Variants in TAS2R1 observed in about 807,000 individuals in gnomAD.
TAS2R1 encodes the protein taste receptor type 2 member 1.
For synonymous variants in TAS2R1, 141 were observed against 134.2 expected (o/e 1.05, Z -0.35); for missense variants, 370 against 353.4 (o/e 1.05, Z -0.38).
chr5:9,789,287 A>G, the TAS2R1 span, among the ~76,000 whole-genome samples: 2 of 152,206 alleles, frequency 1.3e-5, no homozygotes, highest in African/African-American at 4.8e-5. Context: ...CTGCAGGAAC[A>G]GTTTGACTTT....
At chr5:9,870,402 C>A in the TAS2R1 span, among the ~76,000 whole-genome samples, 1 of 152,334 alleles carries the variant, frequency 6.6e-6, no homozygotes, top group South Asian at 2.1e-4. Flanking sequence ...AGCACCTTCT[C>A]TTTCCTCACA....
the TAS2R1 span, among the ~76,000 whole-genome samples, chr5:9,755,731 G>T: frequency 2.0e-5 from 3 of 152,162 alleles, no homozygotes; most frequent in East Asian, 1.9e-4. Flanking sequence ...AATTATTCAT[G>T]AGTTTTCCAG....
chr5:9,770,780 C>T, the TAS2R1 span, among the ~76,000 whole-genome samples: 160 of 152,190 alleles, frequency 1.1e-3, no homozygotes, highest in African/African-American at 3.8e-3. Context: ...ATTGGTTTCT[C>T]AGTTCTAATA....
the TAS2R1 span, chr5:9,760,872 G>A: frequency 6.6e-6 from 1 of 152,120 alleles, no homozygotes; most frequent in African/African-American, 2.4e-5. Flanking sequence ...GACAAGCAAG[G>A]GTTATACAGA....
chr5:9,790,844 TGGCCA>T, the TAS2R1 span, among the ~76,000 whole-genome samples: 33 of 152,184 alleles, frequency 2.2e-4, no homozygotes, highest in Non-Finnish European at 3.4e-4. Context: ...TTTGCCACAT[TGGCCA>T]GGCTGGTCTT....
At chr5:9,825,666 CAAAT>C in the TAS2R1 span, among the ~76,000 whole-genome samples, 1 of 152,186 alleles carries the variant, frequency 6.6e-6, no homozygotes, top group South Asian at 2.1e-4. Flanking sequence ...ATTGCTGCCT[CAAAT>C]AAAGTCAATG....
At chr5:9,882,243 T>C in the TAS2R1 span, among the ~76,000 whole-genome samples, 256 of 151,778 alleles carry the variant, frequency 1.7e-3, 2 homozygotes, top group Non-Finnish European at 2.2e-3. Context: ...ATCAAACATA[T>C]GAAAAAAAGC....
Position 9,645,414 on chromosome 5 carries a change from C to G in TAS2R1, c.-81+14007G>C, listed in dbSNP as rs372018527. On this transcript the variant is annotated intron_variant, in intron 2 of 2. Coordinates refer to the TAS2R1 transcript ENST00000506620. ...CATCACCGCGTCCTATGTTAATACC[C>G]ACAGTGAGAGTGAAGATTCCTTTCA... 9 of 152,218 alleles carry G rather than the reference C, an allele frequency of 5.9e-5. No individual in the cohort carries two copies. In the East Asian group the frequency reaches 1.7e-3, roughly 29 times the overall value. 9.4% of individuals were successfully genotyped at this position (152,218 alleles called of 1,614,324 possible). A position where few individuals can be genotyped will look rare whatever the true frequency, so the allele number is the denominator to read the frequency against.
At chr5:9,810,700 A>G in the TAS2R1 span, among the ~76,000 whole-genome samples, 324 of 152,250 alleles carry the variant, frequency 2.1e-3, 1 homozygote, top group African/African-American at 7.2e-3. Flanking sequence ...AACTGCTGAG[A>G]AGGAGGAGGA....
At chr5:9,657,734 T>G (rs1202249831) in intron 2 of TAS2R1, among the ~76,000 whole-genome samples, 1 of 152,170 alleles carries the variant, frequency 6.6e-6, no homozygotes, top group African/African-American at 2.4e-5. Flanking sequence ...CAGCAGGGGC[T>G]GGCGGGGAGT....
At chr5:9,713,735 A>C (rs571506121), upstream of TAS2R1, 1 of 152,370 alleles carries the variant, frequency 6.6e-6, no homozygotes, top group African/African-American at 2.4e-5. Flanking sequence ...CACGTGGTGC[A>C]GTTAGGAGAG....
chr5:9,640,504 A>AAAAAAAC (rs1740054883), intron 2 of TAS2R1, among the ~76,000 whole-genome samples: 1 of 147,788 alleles, frequency 6.8e-6, no homozygotes, highest in African/African-American at 2.5e-5. Context: ...CCTTAAAAAA[A>AAAAAAAC]AAAAAAAAAA....
At chr5:9,808,695 T>C in the TAS2R1 span, among the ~76,000 whole-genome samples, 1 of 152,092 alleles carries the variant, frequency 6.6e-6, no homozygotes, top group Non-Finnish European at 1.5e-5. Flanking sequence ...GCTGCAAACA[T>C]ATACCATTCC....
At chr5:9,900,220 A>G in the TAS2R1 span, among the ~76,000 whole-genome samples, 1 of 152,240 alleles carries the variant, frequency 6.6e-6, no homozygotes, top group African/African-American at 2.4e-5. Context: ...AATGGAGATT[A>G]TAATGATAAT....
At chr5:9,701,332 T>C (rs1741480633) in intron 1 of TAS2R1, among the ~76,000 whole-genome samples, 1 of 151,934 alleles carries the variant, frequency 6.6e-6, no homozygotes, top group Non-Finnish European at 1.5e-5. Flanking sequence ...TGAAATTCCT[T>C]CTCTTTACCC....
chr5:9,854,874 A>C, the TAS2R1 span, among the ~76,000 whole-genome samples: 3 of 152,220 alleles, frequency 2.0e-5, no homozygotes, highest in Non-Finnish European at 4.4e-5. Context: ...ATCCTACATA[A>C]AAAGATTTGA....
At chr5:9,874,945 G>A in the TAS2R1 span, among the ~76,000 whole-genome samples, 2 of 152,116 alleles carry the variant, frequency 1.3e-5, no homozygotes, top group African/African-American at 4.8e-5. Context: ...TCAGACCTGG[G>A]TTTATGGGCA....
At chr5:9,844,188 T>C in the TAS2R1 span, among the ~76,000 whole-genome samples, 4,236 of 152,284 alleles carry the variant, frequency 0.028, 183 homozygotes, top group African/African-American at 0.092. Flanking sequence ...AGGGCTGAGA[T>C]CATGGAGACA....
At chr5:9,767,859 G>A in the TAS2R1 span, among the ~76,000 whole-genome samples, 1 of 146,120 alleles carries the variant, frequency 6.8e-6, no homozygotes, top group South Asian at 2.2e-4. Context: ...AGGAGGCAGA[G>A]GTTGCAGTGA....
Sources: allele counts gnomAD v4.1 joint callset (sites outside exome capture counted in the v4.1 genomes callset), GRCh38; gene constraint gnomAD v4.1.1; transcripts MANE v1.5; gene names NCBI Gene and HGNC (gene_info 2026-07-23, HGNC 2026-07-21).